Variants in GSS observed in about 807,000 individuals in gnomAD.
GSS encodes the protein GSH synthetase.
A neutral mutation model predicts 60.4 loss-of-function variants in GSS; 34 were observed. The observed-to-expected ratio is 0.56, with a 90% confidence interval of 0.43 to 0.75. GSS has a LOEUF of 0.75. Ranked by LOEUF, GSS falls within the 30% of genes least tolerant of loss-of-function variation. The probability of loss-of-function intolerance (pLI) is 0.00; values close to 1 mark genes in which losing one functional copy is unlikely to be tolerated. For missense variants in GSS, 499 were observed against 595.1 expected (o/e 0.84, Z 1.68); for synonymous variants, 224 against 239.0 (o/e 0.94, Z 0.58).
At chr20:34,948,239 C>A (rs1041311094) in intron 2 of GSS, among the ~76,000 whole-genome samples, 3 of 152,124 alleles carry the variant, frequency 2.0e-5, no homozygotes, top group Middle Eastern at 6.3e-3. Flanking sequence ...TGACCTAATA[C>A]CCTGAGTAGC....
At chr20:34,934,001 AC>A (rs758774117) in intron 9 of GSS, 11 of 151,900 alleles carry the variant, frequency 7.2e-5, no homozygotes, top group Non-Finnish European at 1.5e-4. Flanking sequence ...ACATGGTGAA[AC>A]CCTGTCTCTA....
At chr20:34,945,861 T>A in intron 3 of GSS, 92 bp downstream of exon 3, 2 of 1,375,622 alleles carry the variant, frequency 1.5e-6, no homozygotes, top group Non-Finnish European at 2.1e-6. Flanking sequence ...TCCCACCAAG[T>A]CAGCTGACAC....
At chr20:34,951,955 C>T (rs1569019115) in intron 1 of GSS, 95 bp from the exon 2 acceptor site, 2 of 1,295,342 alleles carry the variant, frequency 1.5e-6, no homozygotes, top group South Asian at 1.2e-5. Flanking sequence ...ACAGCAGGAC[C>T]CTGACCTCTG....
intron 2 of GSS, chr20:34,951,423 C>T: frequency 5.3e-6 from 2 of 380,204 alleles, no homozygotes; most frequent in East Asian, 1.1e-4. Flanking sequence ...CATGAATCAT[C>T]CTGTAATTCT....
chr20:34,947,275 A>T (rs1600389494), intron 2 of GSS, among the ~76,000 whole-genome samples: 1 of 152,032 alleles, frequency 6.6e-6, no homozygotes, highest in Admixed American at 6.6e-5. Flanking sequence ...TTTAGTAGAG[A>T]TGGGGTTTCA....
At chr20:34,949,866 T>C (rs2081552778) in intron 2 of GSS, 1 of 152,176 alleles carries the variant, frequency 6.6e-6, no homozygotes, top group African/African-American at 2.4e-5. Flanking sequence ...TAATTTTGTT[T>C]TGTGGTATGT....
chr20:34,943,701 C>A (rs1252625019), intron 3 of GSS, among the ~76,000 whole-genome samples: 1 of 152,202 alleles, frequency 6.6e-6, no homozygotes, highest in African/African-American at 2.4e-5. Flanking sequence ...AGAACCACTC[C>A]TTTACAGCAC....
At chr20:34,935,749 C>A in intron 8 of GSS, 107 bp from the exon 9 acceptor site, 1 of 836,416 alleles carries the variant, frequency 1.2e-6, no homozygotes, top group Admixed American at 1.9e-5. Context: ...TTTCAAAATT[C>A]AGCCCACAGT....
chr20:34,948,487 C>CATAAAATGACATTA (rs2081540416), intron 2 of GSS, among the ~76,000 whole-genome samples: 1 of 152,108 alleles, frequency 6.6e-6, no homozygotes, highest in East Asian at 1.9e-4. Flanking sequence ...GAGACATTAA[C>CATAAAATGACATTA]ATAAAATGAC....
chr20:34,953,541 C>T lies in GSS; in HGVS notation c.-8-1681G>A, dbSNP rs963355873. Among the ~76,000 whole-genome samples the T allele has an allele frequency of 1.1e-4, 16 of 151,540 alleles. 1 individual carries two copies. The highest frequency in any genetic ancestry group is 2.0e-4 in the Admixed American group (3 of 15,190). ...TCTTTCCTTCCTTCCTTTTCCCTTT[C>T]CCTTTCCCTTCCCTCCTTCTTTCCT... On this transcript the variant is annotated intron_variant, in intron 1 of 12. Transcript: ENST00000651619.
intron 1 of GSS, among the ~76,000 whole-genome samples, chr20:34,953,906 C>T (rs1342152539): frequency 1.3e-5 from 2 of 152,186 alleles, no homozygotes; most frequent in Admixed American, 6.5e-5. Context: ...CCCGCCCAGC[C>T]GACTTCCCTT....
intron 11 of GSS, among the ~76,000 whole-genome samples, chr20:34,929,853 G>C (rs1044515535): frequency 6.6e-6 from 1 of 152,146 alleles, no homozygotes; most frequent in Admixed American, 6.5e-5. Flanking sequence ...TCCATTGCTG[G>C]CTCCTTCTCT....
chr20:34,953,053 TAGG>T (rs1325175145), intron 1 of GSS, among the ~76,000 whole-genome samples: 4 of 152,330 alleles, frequency 2.6e-5, no homozygotes, highest in Middle Eastern at 3.4e-3. Flanking sequence ...TCCAATGTAA[TAGG>T]AGAAGTTGTC....
chr20:34,929,020 C>A (rs1352949827), intron 12 of GSS, 69 bp from the exon 13 acceptor site: 1 of 1,589,254 alleles, frequency 6.3e-7, no homozygotes, highest in African/African-American at 1.3e-5. Flanking sequence ...TTCCCTGGAC[C>A]CAGCTGAGCA....
intron 10 of GSS, 131 bp from the exon 11 acceptor site, chr20:34,931,548 A>G: frequency 1.3e-6 from 1 of 756,690 alleles, no homozygotes; most frequent in Non-Finnish European, 2.4e-6. Context: ...TCCTTCAGGC[A>G]GGATGCTACT....
intron 3 of GSS, among the ~76,000 whole-genome samples, chr20:34,944,546 A>G (rs2081506494): frequency 6.6e-6 from 1 of 152,234 alleles, no homozygotes; most frequent in Non-Finnish European, 1.5e-5. Flanking sequence ...CTCCAACAAA[A>G]GTCTAATTTC....
At chr20:34,933,791 C>T (rs1029907205) in intron 9 of GSS, 1 of 152,150 alleles carries the variant, frequency 6.6e-6, no homozygotes, top group African/African-American at 2.4e-5. Context: ...CAAAGATAAG[C>T]AAGGACTTGC....
At chr20:34,948,644 C>T (rs1446223776) in intron 2 of GSS, among the ~76,000 whole-genome samples, 1 of 152,030 alleles carries the variant, frequency 6.6e-6, no homozygotes, top group Non-Finnish European at 1.5e-5. Context: ...ATTAGCTGGG[C>T]GTGGTGGCAC....
intron 5 of GSS, 104 bp downstream of exon 5, chr20:34,942,384 C>T: frequency 8.9e-7 from 1 of 1,123,972 alleles, no homozygotes; most frequent in Non-Finnish European, 1.3e-6. Context: ...ACCCGGGGCC[C>T]AGGAAAGCAC....
Sources: allele counts gnomAD v4.1 joint callset (sites outside exome capture counted in the v4.1 genomes callset), GRCh38; gene constraint gnomAD v4.1.1; transcripts MANE v1.5; gene names NCBI Gene and HGNC (gene_info 2026-07-23, HGNC 2026-07-21).